Variants in CFDP1 observed in about 807,000 individuals in gnomAD.
CFDP1 encodes heterochromatin-stabilizing protein CFDP1.
CFDP1 carries 31 observed loss-of-function variants against 40.1 expected under a neutral mutation model. The observed-to-expected ratio is 0.77, with a 90% CI of 0.58 to 1.04. The LOEUF (loss-of-function observed/expected upper bound fraction) is 1.04, where lower values mean the gene tolerates loss of function less well. Ranked by LOEUF, CFDP1 falls within the 50% of genes least tolerant of loss-of-function variation. The probability of loss-of-function intolerance (pLI) is 0.00; values close to 1 mark genes in which losing one functional copy is unlikely to be tolerated. For synonymous variants in CFDP1, 167 were observed against 120.0 expected, an observed-to-expected ratio of 1.39 and a Z score of -2.56; for missense variants, 423 against 343.4, an observed-to-expected ratio of 1.23 and a Z score of -1.83.
At chr16:75,300,976 C>T (rs185779441) in intron 6 of CFDP1, among the ~76,000 whole-genome samples, 3 of 152,190 alleles carry the variant, frequency 2.0e-5, no homozygotes, top group East Asian at 1.9e-4. Context: ...TACTTCCCAC[C>T]GCTGTGGAAA....
intron 5 of CFDP1, among the ~76,000 whole-genome samples, chr16:75,384,168 C>T (rs1425208858): frequency 6.6e-6 from 1 of 152,038 alleles, no homozygotes; most frequent in Non-Finnish European, 1.5e-5. Context: ...AGCAGCCTGG[C>T]CAACAAGGCG....
intron 5 of CFDP1, among the ~76,000 whole-genome samples, chr16:75,326,205 T>C (rs1329708496): frequency 6.6e-6 from 1 of 152,158 alleles, no homozygotes; most frequent in African/African-American, 2.4e-5. Flanking sequence ...CCAAATGAGT[T>C]TTTCCCCTTG....
chr16:75,397,105 G>A (rs868126898), intron 4 of CFDP1, among the ~76,000 whole-genome samples: 6 of 151,804 alleles, frequency 4.0e-5, no homozygotes, highest in Admixed American at 6.5e-5. Flanking sequence ...TAGTAGAGAT[G>A]GGGTTTCACC....
chr16:75,346,582 CAAAAAAAAAAAAAAAAAAAAAAAAA>C (rs748081401), intron 5 of CFDP1, among the ~76,000 whole-genome samples: 1 of 59,328 alleles, frequency 1.7e-5, no homozygotes, highest in Non-Finnish European at 2.9e-5. Context: ...GACTCTGTCT[CAAAAAAAAAAAAAAAAAAAAAAAAA>C]AAAAAAAAGA....
At chr16:75,374,634 T>G (rs1035052107) in intron 5 of CFDP1, among the ~76,000 whole-genome samples, 1 of 151,540 alleles carries the variant, frequency 6.6e-6, no homozygotes, top group Non-Finnish European at 1.5e-5. Context: ...CTGGGCAACA[T>G]AGTGAGACCC....
chr16:75,360,484 A>G (rs2078673647), intron 5 of CFDP1, among the ~76,000 whole-genome samples: 1 of 152,186 alleles, frequency 6.6e-6, no homozygotes, highest in South Asian at 2.1e-4. Flanking sequence ...ATAATTTAGC[A>G]CCAGAGGGTC....
At chr16:75,359,648 C>T (rs1373499879) in intron 5 of CFDP1, among the ~76,000 whole-genome samples, 1 of 152,150 alleles carries the variant, frequency 6.6e-6, no homozygotes, top group East Asian at 1.9e-4. Context: ...ACCATGATCA[C>T]CTCCACCTTG....
intron 5 of CFDP1, among the ~76,000 whole-genome samples, chr16:75,312,936 TA>T (rs1352512973): frequency 6.6e-6 from 1 of 152,198 alleles, no homozygotes; most frequent in East Asian, 1.9e-4. Flanking sequence ...CAGATGGGTA[TA>T]GGGGCTCTGA....
intron 6 of CFDP1, among the ~76,000 whole-genome samples, chr16:75,295,424 C>T (rs1225684498): frequency 6.6e-6 from 1 of 152,258 alleles, no homozygotes; most frequent in Non-Finnish European, 1.5e-5. Context: ...GTCATCTCCA[C>T]TCTGAAGGAC....
intron 6 of CFDP1, among the ~76,000 whole-genome samples, chr16:75,304,072 CTCTCTT>C (rs1311508724): frequency 6.6e-6 from 1 of 151,924 alleles, no homozygotes. Context: ...CTCTCTCTCT[CTCTCTT>C]TCTTTCTTGA....
intron 4 of CFDP1, among the ~76,000 whole-genome samples, chr16:75,403,450 C>G (rs2079072209): frequency 6.6e-6 from 1 of 152,174 alleles, no homozygotes; most frequent in Non-Finnish European, 1.5e-5. Flanking sequence ...AACTCCAGTA[C>G]TCAAGCAGTC....
chr16:75,317,141 G>A (rs2078328916), intron 5 of CFDP1, among the ~76,000 whole-genome samples: 1 of 152,242 alleles, frequency 6.6e-6, no homozygotes, highest in Admixed American at 6.5e-5. Flanking sequence ...GGAGGCCCTC[G>A]CCTAGATGAG....
intron 5 of CFDP1, among the ~76,000 whole-genome samples, chr16:75,394,004 G>A (rs1303053919): frequency 1.3e-5 from 2 of 151,988 alleles, no homozygotes; most frequent in Admixed American, 1.3e-4. Context: ...GCAGTGAGCC[G>A]AGATTGCGCC....
chr16:75,378,999 TG>T (rs1354762554), intron 5 of CFDP1, among the ~76,000 whole-genome samples: 1 of 151,836 alleles, frequency 6.6e-6, no homozygotes, highest in Admixed American at 6.6e-5. Flanking sequence ...AAATAATGCA[TG>T]GGTCAAAAAG....
intron 1 of CFDP1, among the ~76,000 whole-genome samples, chr16:75,423,959 C>A (rs577727730): frequency 1.1e-4 from 16 of 152,038 alleles, no homozygotes; most frequent in East Asian, 1.9e-4. Context: ...CCAAATTCAG[C>A]AATGTATAAA....
chr16:75,351,740 G>A (rs2078612731), intron 5 of CFDP1, among the ~76,000 whole-genome samples: 1 of 152,196 alleles, frequency 6.6e-6, no homozygotes, highest in Admixed American at 6.5e-5. Flanking sequence ...AAGTGTGGTG[G>A]CTCACGCCTG....
intron 1 of CFDP1, among the ~76,000 whole-genome samples, chr16:75,424,491 C>T (rs935347906): frequency 6.6e-6 from 1 of 152,158 alleles, no homozygotes; most frequent in Non-Finnish European, 1.5e-5. Flanking sequence ...CGCGGTGGCT[C>T]ACGCCTATAA....
chr16:75,293,894 C>G lies in CFDP1; in HGVS notation c.*58G>C, dbSNP rs182956833. 2.1e-5 allele frequency: 29 copies of G among 1,383,404 alleles called. No individual in the cohort carries two copies. Among genetic ancestry groups the G allele is most frequent in the Non-Finnish European group, 2.7e-5 (26 of 975,558 alleles). The allele number at this position is 1,383,404 out of a possible 1,614,324, so 85.7% of individuals were successfully genotyped here. A position where few individuals can be genotyped will look rare whatever the true frequency, so the allele number is the denominator to read the frequency against. ...GAAACACTGTAAAACATTTCACAGA[C>G]GCACAAAAAGCTCACATTGTAAACA... is the stretch of plus-strand genomic sequence containing the variant. On this transcript the variant is annotated 3_prime_UTR_variant, in exon 7 of 7. Transcript: ENST00000283882.
intron 5 of CFDP1, among the ~76,000 whole-genome samples, chr16:75,309,835 A>AAAAC (rs1555552821): frequency 4.6e-5 from 7 of 150,800 alleles, no homozygotes; most frequent in Admixed American, 3.3e-4. Flanking sequence ...AAAAAAAAAA[A>AAAAC]AAAAAAAAAA....
Sources: gnomAD v4.1 joint callset for allele counts (sites outside exome capture counted in the v4.1 genomes callset) on GRCh38, gnomAD v4.1.1 for gene constraint, MANE v1.5 for transcripts, NCBI Gene and HGNC (gene_info 2026-07-23, HGNC 2026-07-21) for gene names.